CTNND2: variants seen among roughly 807,000 people sequenced by gnomAD.
CTNND2 encodes the protein catenin delta 2.
In CTNND2, 22 loss-of-function variants were observed where a neutral mutation model predicts 144.4. That is an observed-to-expected ratio of 0.15 (90% CI 0.11 to 0.22). The LOEUF is 0.22. CTNND2 is among the 10% of genes least tolerant of loss of function. The probability of loss-of-function intolerance (pLI) is 1.00; values close to 1 mark genes in which losing one functional copy is unlikely to be tolerated. For synonymous variants in CTNND2, 751 were observed against 695.6 expected (o/e 1.08, Z -1.25); for missense variants, 1,353 against 1,618.8 (o/e 0.84, Z 2.82).
chr5:11,641,652 G>A (rs941707047), intron 2 of CTNND2, among the ~76,000 whole-genome samples: 21 of 130,874 alleles, frequency 1.6e-4, no homozygotes, highest in African/African-American at 6.3e-4. Context: ...ATACATATAC[G>A]TGTGTATATA....
intron 10 of CTNND2, among the ~76,000 whole-genome samples, chr5:11,217,408 C>T (rs1052030523): frequency 6.6e-6 from 1 of 152,154 alleles, no homozygotes; most frequent in African/African-American, 2.4e-5. Flanking sequence ...TCATCTTGTG[C>T]TCTTGTCTGC....
chr5:11,294,508 G>A (rs1748692427), intron 9 of CTNND2, among the ~76,000 whole-genome samples: 1 of 152,082 alleles, frequency 6.6e-6, no homozygotes, highest in African/African-American at 2.4e-5. Flanking sequence ...TAACAAATAT[G>A]ATAAAGTTCA....
intron 1 of CTNND2, among the ~76,000 whole-genome samples, chr5:11,876,382 T>C (rs1735573119): frequency 6.6e-6 from 1 of 152,070 alleles, no homozygotes; most frequent in Non-Finnish European, 1.5e-5. Flanking sequence ...AGATTTTATA[T>C]ATAATCTTTC....
intron 16 of CTNND2, among the ~76,000 whole-genome samples, chr5:11,080,897 G>A (rs2149631388): frequency 6.6e-6 from 1 of 152,286 alleles, no homozygotes; most frequent in Admixed American, 6.5e-5. Context: ...CCAACATGGT[G>A]AGGCCCCACC....
At chr5:11,087,873 T>C (rs554865984) in intron 15 of CTNND2, among the ~76,000 whole-genome samples, 4 of 152,172 alleles carry the variant, frequency 2.6e-5, no homozygotes, top group Admixed American at 1.3e-4. Context: ...GCAAGATAAT[T>C]TCCTGGGGGG....
chr5:11,706,914 T>A (rs1017425576), intron 2 of CTNND2, among the ~76,000 whole-genome samples: 2 of 151,674 alleles, frequency 1.3e-5, no homozygotes, highest in Non-Finnish European at 2.9e-5. Context: ...TGAAACCCCA[T>A]CTCTACTAAA....
At position 11,072,373 on chromosome 5, in the gene CTNND2, G is replaced by A. The variant is rs559874139; in HGVS notation, c.2788+10323C>T. Among the ~76,000 whole-genome samples the A allele has an allele frequency of 3.3e-5, 5 of 152,312 alleles. No individual in the cohort carries two copies. The South Asian group carries it at 1.0e-3, about 32-fold the overall frequency. The stretch of plus-strand genomic sequence containing the variant: ...ACATACACTCACTTTGGGATTGAAG[G>A]CTATTATATGCTTAGGAAATAAGCC... On this transcript the variant is annotated intron_variant, in intron 16 of 21. Transcript: ENST00000304623.
At chr5:11,364,645 C>T in intron 8 of CTNND2, 51 bp downstream of exon 8, 1 of 1,487,178 alleles carries the variant, frequency 6.7e-7, no homozygotes, top group African/African-American at 1.4e-5. Flanking sequence ...AGCTCCCGCG[C>T]AGAGCCCACC....
chr5:11,802,754 T>A (rs1336512923), intron 1 of CTNND2, among the ~76,000 whole-genome samples: 1 of 152,224 alleles, frequency 6.6e-6, no homozygotes, highest in East Asian at 1.9e-4. Context: ...TGATTATCTA[T>A]TTCTTCTTTT....
chr5:11,510,828 G>A (rs1289706639), intron 3 of CTNND2, among the ~76,000 whole-genome samples: 5 of 152,088 alleles, frequency 3.3e-5, no homozygotes, highest in African/African-American at 1.2e-4. Flanking sequence ...CTACTTGGGA[G>A]GCTGAGGCAC....
At chr5:11,278,615 CA>C (rs1326928231) in intron 9 of CTNND2, among the ~76,000 whole-genome samples, 18 of 152,228 alleles carry the variant, frequency 1.2e-4, no homozygotes, top group African/African-American at 4.1e-4. Context: ...TGAGAGGAGA[CA>C]GGGGGAGGGG....
Position 11,227,040 on chromosome 5 carries a change from G to A in CTNND2, c.1761+9651C>T, listed in dbSNP as rs180986108. On this transcript the variant is annotated intron_variant, in intron 10 of 21. Coordinates refer to ENST00000304623, the MANE Select transcript of CTNND2 (RefSeq NM_001332.4). ...GTTGAATCTAGTTGTGTAAACAGTG[G>A]CTTAGCACAGAGCCACACACCGTGT... Among the ~76,000 whole-genome samples the A allele has an allele frequency of 5.3e-5, 8 of 152,266 alleles. No homozygotes were observed. In the East Asian group the frequency reaches 1.2e-3, roughly 22 times the overall value.
chr5:11,380,286 T>C (rs1382710974), intron 7 of CTNND2, among the ~76,000 whole-genome samples: 1 of 152,198 alleles, frequency 6.6e-6, no homozygotes, highest in African/African-American at 2.4e-5. Flanking sequence ...AAACCTGCTG[T>C]GTCTGAAGCA....
intron 2 of CTNND2, among the ~76,000 whole-genome samples, chr5:11,582,625 TC>T (rs1046713880): frequency 1.3e-5 from 2 of 152,148 alleles, no homozygotes; most frequent in African/African-American, 4.8e-5. Flanking sequence ...ATCCACCTTT[TC>T]TAAAATAACA....
chr5:11,220,836 A>G (rs1021440085), intron 10 of CTNND2, among the ~76,000 whole-genome samples: 3 of 152,212 alleles, frequency 2.0e-5, no homozygotes, highest in Non-Finnish European at 4.4e-5. Context: ...TCCAGGGGAC[A>G]TACATTTCAA....
At chr5:11,352,333 C>T (rs1453141503) in intron 8 of CTNND2, among the ~76,000 whole-genome samples, 2 of 152,080 alleles carry the variant, frequency 1.3e-5, no homozygotes, top group Non-Finnish European at 2.9e-5. Context: ...TATTTGAAAG[C>T]GAATATGATG....
intron 3 of CTNND2, among the ~76,000 whole-genome samples, chr5:11,477,236 ACATGG>A (rs1237377320): frequency 6.6e-6 from 1 of 152,188 alleles, no homozygotes; most frequent in Non-Finnish European, 1.5e-5. Flanking sequence ...TCTCAATTTT[ACATGG>A]CCTATTCTTA....
intron 16 of CTNND2, among the ~76,000 whole-genome samples, chr5:11,072,017 C>T (rs556358373): frequency 6.6e-6 from 1 of 152,296 alleles, no homozygotes; most frequent in South Asian, 2.1e-4. Context: ...TAGTGAGTTT[C>T]TAACATTTTA....
chr5:11,381,987 CA>C, intron 7 of CTNND2, among the ~76,000 whole-genome samples: 1 of 150,274 alleles, frequency 6.7e-6, no homozygotes, highest in Non-Finnish European at 1.5e-5. Context: ...AAAAACAAAA[CA>C]AAACAAAACA....
Sources: gnomAD v4.1 joint callset for allele counts (sites outside exome capture counted in the v4.1 genomes callset) on GRCh38, gnomAD v4.1.1 for gene constraint, MANE v1.5 for transcripts, NCBI Gene and HGNC (gene_info 2026-07-23, HGNC 2026-07-21) for gene names.